KHDRBS3: variants seen among roughly 807,000 people sequenced by gnomAD.
KHDRBS3 encodes the protein KH RNA binding domain containing, signal transduction associated 3.
KHDRBS3 carries 23 observed loss-of-function variants against 45.6 expected under a neutral mutation model. That is an observed-to-expected ratio of 0.50 (90% CI 0.36 to 0.72). KHDRBS3 has a LOEUF of 0.72. KHDRBS3 is among the 30% of genes least tolerant of loss of function. The probability of loss-of-function intolerance (pLI) is 0.00; values close to 1 mark genes in which losing one functional copy is unlikely to be tolerated. For synonymous variants in KHDRBS3, 162 were observed against 156.5 expected, an observed-to-expected ratio of 1.04 and a Z score of -0.26; for missense variants, 352 against 424.8, an observed-to-expected ratio of 0.83 and a Z score of 1.51.
At chr8:135,625,781 T>C (rs1343719074) in intron 7 of KHDRBS3, 1 of 767,414 alleles carries the variant, frequency 1.3e-6, no homozygotes, top group Non-Finnish European at 2.4e-6. Flanking sequence ...ACCCGTGTTC[T>C]AGCTTAGCTT....
chr8:135,458,157 T>C (rs1440081801), intron 1 of KHDRBS3: 2 of 1,346,470 alleles, frequency 1.5e-6, no homozygotes, highest in African/African-American at 3.1e-5. Context: ...TTTTGGGGAC[T>C]TGGAAGGAGA....
At chr8:135,654,545 G>T (rs1831493629) in intron 4 of KHDRBS3, among the ~76,000 whole-genome samples, 1 of 152,178 alleles carries the variant, frequency 6.6e-6, no homozygotes, top group Admixed American at 6.5e-5. Context: ...GTGGCAGGCT[G>T]GTTACCCTGT....
At chr8:135,569,912 C>A (rs1827619498) in intron 5 of KHDRBS3, among the ~76,000 whole-genome samples, 1 of 152,018 alleles carries the variant, frequency 6.6e-6, no homozygotes, top group Non-Finnish European at 1.5e-5. Context: ...CAATTCCATA[C>A]AGTTTTTTAA....
chr8:135,469,772 C>A (rs893504173), intron 1 of KHDRBS3, among the ~76,000 whole-genome samples: 18 of 152,160 alleles, frequency 1.2e-4, no homozygotes, highest in Non-Finnish European at 2.2e-4. Context: ...CGTGATCCAC[C>A]CGCCTTGGCC....
Position 135,505,090 on chromosome 8 carries a change from A to G in KHDRBS3, c.89-16147A>G, listed in dbSNP as rs116492385. On this transcript the variant is annotated intron_variant, in intron 1 of 8. Coordinates refer to ENST00000355849, the MANE Select transcript of KHDRBS3 (RefSeq NM_006558.3). ...TGTCTCGCCTTTTCTTTAGGGCCTTATTAACCATCAGTACATCACAGTTCT... is the reference window on the plus strand; with the variant it reads ...TGTCTCGCCTTTTCTTTAGGGCCTTGTTAACCATCAGTACATCACAGTTCT... 6.2e-4 allele frequency among the ~76,000 whole-genome samples: 95 copies of G among 152,344 alleles called. 1 individual carries two copies. Among genetic ancestry groups the G allele is most frequent in the African/African-American group, 2.2e-3 (91 of 41,586 alleles).
At chr8:135,489,634 C>T (rs56216738) in intron 1 of KHDRBS3, among the ~76,000 whole-genome samples, 16,000 of 152,040 alleles carry the variant, frequency 0.11, 932 homozygotes, top group East Asian at 0.19. Flanking sequence ...CCCGAGATTG[C>T]GCCACTGCAC....
At chr8:135,521,957 C>T (rs1385883494) in intron 2 of KHDRBS3, among the ~76,000 whole-genome samples, 2 of 151,412 alleles carry the variant, frequency 1.3e-5, no homozygotes, top group Non-Finnish European at 1.5e-5. Context: ...CTTTTTTTAA[C>T]GTTGTATTTT....
intron 1 of KHDRBS3, among the ~76,000 whole-genome samples, chr8:135,494,959 C>G (rs1823360560): frequency 6.6e-6 from 1 of 152,154 alleles, no homozygotes. Context: ...ATAATGCAAG[C>G]AGAGTTTGTT....
intron 2 of KHDRBS3, among the ~76,000 whole-genome samples, chr8:135,528,976 A>G (rs1825332066): frequency 1.3e-5 from 2 of 152,182 alleles, no homozygotes; most frequent in Admixed American, 6.5e-5. Flanking sequence ...GCAGCTGGCT[A>G]GTTGGGATTT....
chr8:135,538,792 C>G (rs1825903246), intron 2 of KHDRBS3: 1 of 152,168 alleles, frequency 6.6e-6, no homozygotes, highest in Admixed American at 6.5e-5. Flanking sequence ...AAGAAGACAA[C>G]TATGCCGCTT....
intron 6 of KHDRBS3, among the ~76,000 whole-genome samples, chr8:135,597,360 GT>G (rs1416950891): frequency 6.6e-6 from 1 of 152,144 alleles, no homozygotes; most frequent in Non-Finnish European, 1.5e-5. Flanking sequence ...CAACATAAAT[GT>G]TGGAAGTATA....
intron 1 of KHDRBS3, among the ~76,000 whole-genome samples, chr8:135,486,940 G>T (rs953083614): frequency 3.3e-5 from 5 of 152,092 alleles, no homozygotes; most frequent in African/African-American, 1.2e-4. Context: ...TAAAGAGGAT[G>T]GTTTGAGCTA....
Position 135,573,103 on chromosome 8 carries a change from A to C in KHDRBS3, c.612-8775A>C, listed in dbSNP as rs937457728. On this transcript the variant is annotated intron_variant, in intron 5 of 8. Coordinates refer to ENST00000355849, the MANE Select transcript of KHDRBS3 (RefSeq NM_006558.3). The stretch of plus-strand genomic sequence containing the variant: ...GATAGAAGACTAAGGCCCTGTCACT[A>C]GATCTTGCAGGCCCCACTCTGTAGT... Among the ~76,000 whole-genome samples the C allele has an allele frequency of 2.6e-5, 4 of 152,064 alleles. 1 individual carries two copies. The highest frequency in any genetic ancestry group is 1.3e-4 in the Admixed American group (2 of 15,270).
chr8:135,513,636 A>G (rs530037133), intron 1 of KHDRBS3, among the ~76,000 whole-genome samples: 5 of 152,294 alleles, frequency 3.3e-5, no homozygotes, highest in South Asian at 2.1e-4. Context: ...GAATTCAACA[A>G]TCAGCAGTGT....
intron 3 of KHDRBS3, 112 bp from the exon 4 acceptor site, chr8:135,548,642 G>T (rs1031806402): frequency 7.1e-6 from 6 of 844,964 alleles, no homozygotes; most frequent in Middle Eastern, 3.8e-4. Context: ...ACAACCGCTT[G>T]CCAGATGGAT....
intron 7 of KHDRBS3, among the ~76,000 whole-genome samples, chr8:135,642,795 C>CT (rs35011503): frequency 0.21 from 29,938 of 143,650 alleles, 3,529 homozygotes; most frequent in Middle Eastern, 0.28. Flanking sequence ...AGGCATTTGT[C>CT]TTTTTTTTTT....
intron 2 of KHDRBS3, among the ~76,000 whole-genome samples, chr8:135,525,836 T>A (rs1825155797): frequency 6.6e-6 from 1 of 152,192 alleles, no homozygotes; most frequent in African/African-American, 2.4e-5. Flanking sequence ...GTCTAGTTGA[T>A]GATGATTAAC....
chr8:135,624,247 C>A (rs1459764454), intron 7 of KHDRBS3, among the ~76,000 whole-genome samples: 1 of 152,116 alleles, frequency 6.6e-6, no homozygotes, highest in African/African-American at 2.4e-5. Flanking sequence ...CTCTAAGCAG[C>A]AAACTTCAAG....
intron 7 of KHDRBS3, among the ~76,000 whole-genome samples, chr8:135,609,297 T>C (rs1829611859): frequency 6.6e-6 from 1 of 152,016 alleles, no homozygotes; most frequent in Non-Finnish European, 1.5e-5. Context: ...TTAATTTTTT[T>C]TTTTTTTACT....
Sources: gnomAD v4.1 joint callset for allele counts (sites outside exome capture counted in the v4.1 genomes callset) on GRCh38, gnomAD v4.1.1 for gene constraint, MANE v1.5 for transcripts, NCBI Gene and HGNC (gene_info 2026-07-23, HGNC 2026-07-21) for gene names.